Variants in TNFRSF10B observed in about 807,000 individuals in gnomAD.
TNFRSF10B encodes tumor necrosis factor receptor superfamily member 10B.
A neutral mutation model predicts 41.4 loss-of-function variants in TNFRSF10B; 35 were observed. The observed-to-expected ratio is 0.85, with a 90% CI of 0.65 to 1.12. The LOEUF (loss-of-function observed/expected upper bound fraction) is 1.12. TNFRSF10B is among the 50% of genes most tolerant of loss of function. The pLI, the probability that TNFRSF10B is intolerant of heterozygous loss-of-function variation, is 0.00. For missense variants in TNFRSF10B, 584 were observed against 552.7 expected (o/e 1.06, Z -0.57); for synonymous variants, 230 against 215.5 (o/e 1.07, Z -0.59).
chr8:23,045,644 T>G (rs937315931), intron 1 of TNFRSF10B, among the ~76,000 whole-genome samples: 10 of 152,070 alleles, frequency 6.6e-5, no homozygotes, highest in African/African-American at 1.9e-4. Context: ...GAAAAGAAAA[T>G]TATAGGCCAA....
chr8:23,061,332 G>C (rs891284182), intron 1 of TNFRSF10B, among the ~76,000 whole-genome samples: 1 of 152,030 alleles, frequency 6.6e-6, no homozygotes, highest in Non-Finnish European at 1.5e-5. Context: ...CTTACCACTT[G>C]GTTTGAAATC....
chr8:23,046,686 C>A (rs1342159742), intron 1 of TNFRSF10B, among the ~76,000 whole-genome samples: 2 of 148,926 alleles, frequency 1.3e-5, no homozygotes, highest in Admixed American at 6.7e-5. Context: ...GGAGGCATCA[C>A]ACTACCTGAT....
chr8:23,051,553 T>G (rs995504254), intron 1 of TNFRSF10B, among the ~76,000 whole-genome samples: 1 of 152,082 alleles, frequency 6.6e-6, no homozygotes, highest in African/African-American at 2.4e-5. Flanking sequence ...TACTCTTTTT[T>G]TTTTTTTTTA....
intron 1 of TNFRSF10B, among the ~76,000 whole-genome samples, chr8:23,060,784 T>C (rs1812809970): frequency 6.6e-6 from 1 of 152,228 alleles, no homozygotes; most frequent in Admixed American, 6.5e-5. Context: ...TTTCCATTTA[T>C]TTTTGTATTC....
At position 23,024,189 on chromosome 8, in the gene TNFRSF10B, C is replaced by G. The variant is rs1811630571; in HGVS notation, c.1008G>C (p.Glu336Asp). Reference sequence around the variant, plus strand: ...CATCTCCAGGAGCAAAACACTTACTCTCAGTGGGATCACCTTCATTTGCTG... The same window carrying G: ...CATCTCCAGGAGCAAAACACTTACTGTCAGTGGGATCACCTTCATTTGCTG... ...LVPANEGDPT[E>D]TLRQCFDDFA... The change falls in exon 8 of 9, where the codon GAG becomes GAC. Residue 336 changes from glutamate to aspartate, a missense_variant and splice_region_variant. Coordinates refer to ENST00000276431, the MANE Select transcript of TNFRSF10B (RefSeq NM_003842.5). 1 of 1,614,014 alleles carries G rather than the reference C, an allele frequency of 6.2e-7. No homozygotes were observed. The highest frequency in any genetic ancestry group is 1.7e-5 in the Admixed American group (1 of 60,006).
chr8:23,025,700 T>C (rs1323244105), intron 7 of TNFRSF10B, among the ~76,000 whole-genome samples: 1 of 152,154 alleles, frequency 6.6e-6, no homozygotes, highest in East Asian at 1.9e-4. Flanking sequence ...GCCAAAAGGC[T>C]GGGAAAGAGT....
chr8:23,051,702 G>A (rs556735927), intron 1 of TNFRSF10B, among the ~76,000 whole-genome samples: 4 of 152,048 alleles, frequency 2.6e-5, no homozygotes, highest in South Asian at 2.1e-4. Flanking sequence ...CCGCCACCGC[G>A]CCTGGTTATT....
At chr8:23,039,468 C>A (rs865789752) in intron 2 of TNFRSF10B, among the ~76,000 whole-genome samples, 1 of 152,112 alleles carries the variant, frequency 6.6e-6, no homozygotes, top group South Asian at 2.1e-4. Flanking sequence ...GGAGGTCAGT[C>A]TTTTTTCTAT....
At chr8:23,050,692 A>C (rs1481535170) in intron 1 of TNFRSF10B, among the ~76,000 whole-genome samples, 1 of 152,244 alleles carries the variant, frequency 6.6e-6, no homozygotes, top group Non-Finnish European at 1.5e-5. Context: ...GTTTAAGTGC[A>C]CTGTAAAAGC....
chr8:23,063,546 A>C (rs1812894631), intron 1 of TNFRSF10B, among the ~76,000 whole-genome samples: 1 of 152,130 alleles, frequency 6.6e-6, no homozygotes, highest in African/African-American at 2.4e-5. Flanking sequence ...CCCAAGTCTC[A>C]GATTAGAAAC....
In TNFRSF10B at chr8:23,022,815, G is replaced by C. The variant is rs562217560; in HGVS notation, c.1179C>G (p.Thr393=). ...GGGTGTGGACAGAGGCATCTCGCCCGGTTTTGTTGACCCACTTTATCAGCA... is the reference window on the plus strand; with the variant it reads ...GGGTGTGGACAGAGGCATCTCGCCCCGTTTTGTTGACCCACTTTATCAGCA... The part of the protein sequence containing the change: ...YTMLIKWVNK[T]GRDASVHTLL... Residue 393 remains threonine, a synonymous_variant, in exon 9 of 9, where the codon ACC becomes ACG. Transcript: ENST00000276431. 1 of 1,613,910 alleles carries C rather than the reference G, an allele frequency of 6.2e-7. No homozygotes were observed. The highest frequency in any genetic ancestry group is 8.5e-7 in the Non-Finnish European group (1 of 1,179,876).
chr8:23,023,117 C>A, intron 8 of TNFRSF10B, 133 bp from the exon 9 acceptor site: 1 of 1,144,890 alleles, frequency 8.7e-7, no homozygotes, highest in South Asian at 1.3e-5. Context: ...CGCTCCAGTG[C>A]CCACCCGCTT....
intron 1 of TNFRSF10B, among the ~76,000 whole-genome samples, chr8:23,054,859 T>C (rs1812616550): frequency 1.3e-5 from 2 of 152,194 alleles, no homozygotes; most frequent in African/African-American, 4.8e-5. Flanking sequence ...TCAAAGCCCA[T>C]TTAAAACGCC....
At chr8:23,067,901 G>A (rs567342620) in intron 1 of TNFRSF10B, among the ~76,000 whole-genome samples, 2 of 152,178 alleles carry the variant, frequency 1.3e-5, no homozygotes, top group Non-Finnish European at 2.9e-5. Flanking sequence ...TGTAAAATGT[G>A]ATGATTCAGA....
intron 1 of TNFRSF10B, among the ~76,000 whole-genome samples, chr8:23,046,614 A>T (rs559098958): frequency 0.025 from 1,878 of 75,312 alleles, 39 homozygotes; most frequent in African/African-American, 0.16. Context: ...ATATGCAACC[A>T]TAAAAAAAAA....
chr8:23,029,520 G>T, intron 4 of TNFRSF10B, 90 bp downstream of exon 4: 1 of 1,296,048 alleles, frequency 7.7e-7, no homozygotes, highest in Non-Finnish European at 1.1e-6. Flanking sequence ...GCCCCTTGCG[G>T]GTGCTGTCAG....
At chr8:23,036,936 T>C (rs982085263) in intron 2 of TNFRSF10B, among the ~76,000 whole-genome samples, 6 of 152,190 alleles carry the variant, frequency 3.9e-5, no homozygotes, top group African/African-American at 1.2e-4. Flanking sequence ...CATGTAGTTA[T>C]ATACTGATTC....
At chr8:23,057,950 T>C (rs1006544230) in intron 1 of TNFRSF10B, among the ~76,000 whole-genome samples, 1 of 152,196 alleles carries the variant, frequency 6.6e-6, no homozygotes, top group Non-Finnish European at 1.5e-5. Context: ...ATTTTGCTTT[T>C]AAATTCCATC....
rs1212962155 is a variant in TNFRSF10B, at chr8:23,068,908, G to T, written c.-14C>A. 2.5e-6 allele frequency: 4 copies of T among 1,613,232 alleles called. No homozygotes were observed. The African/African-American group carries it at 5.3e-5, about 22-fold the overall frequency. On this transcript the variant is annotated 5_prime_UTR_variant, in exon 1 of 9. Transcript: ENST00000276431. ...CCGTTGTTCCATGGCGGTAGGGAAC[G>T]CTCTTATAGTCTCTCAGGCCCGTGG...
Sources: gnomAD v4.1 joint callset for allele counts (sites outside exome capture counted in the v4.1 genomes callset) on GRCh38, gnomAD v4.1.1 for gene constraint, MANE v1.5 for transcripts, NCBI Gene and HGNC (gene_info 2026-07-23, HGNC 2026-07-21) for gene names.